SPMIP2: variants seen among roughly 807,000 people sequenced by gnomAD.
The protein encoded by SPMIP2 is sperm microtubule inner protein 2.
At chr4:158,920,100 A>T in the SPMIP2 span, among the ~76,000 whole-genome samples, 1 of 152,236 alleles carries the variant, frequency 6.6e-6, no homozygotes, top group Non-Finnish European at 1.5e-5. Context: ...TGAAGATTTC[A>T]TGGATATTTA....
At chr4:158,893,444 A>C in the SPMIP2 span, 4 of 434,602 alleles carry the variant, frequency 9.2e-6, no homozygotes, top group East Asian at 1.3e-4. Context: ...AGATGTTATA[A>C]GCACTCAGTA....
At chr4:158,895,715 T>G in the SPMIP2 span, 4 of 1,334,874 alleles carry the variant, frequency 3.0e-6, no homozygotes, top group Non-Finnish European at 4.3e-6. Flanking sequence ...AGATTTGACT[T>G]CTAGCCCTCA....
the SPMIP2 span, among the ~76,000 whole-genome samples, chr4:158,975,298 T>C: frequency 6.6e-6 from 1 of 152,198 alleles, no homozygotes; most frequent in Non-Finnish European, 1.5e-5. Context: ...AACTGTTTAG[T>C]TTAATTAGAT....
the SPMIP2 span, among the ~76,000 whole-genome samples, chr4:159,020,831 G>A: frequency 1.3e-5 from 2 of 152,048 alleles, no homozygotes; most frequent in Non-Finnish European, 2.9e-5. Context: ...GCGCTATCTC[G>A]GCTCACTGCA....
the SPMIP2 span, among the ~76,000 whole-genome samples, chr4:159,023,643 A>G: frequency 2.6e-5 from 4 of 152,230 alleles, no homozygotes; most frequent in Admixed American, 1.3e-4. Context: ...GAATGGCTGT[A>G]TCACAGACAG....
chr4:158,928,429 G>T, the SPMIP2 span, among the ~76,000 whole-genome samples: 4 of 151,978 alleles, frequency 2.6e-5, no homozygotes, highest in Admixed American at 2.0e-4. Flanking sequence ...TGCACCAATC[G>T]ACACTCTGTA....
At chr4:158,964,552 G>A in the SPMIP2 span, among the ~76,000 whole-genome samples, 1 of 152,168 alleles carries the variant, frequency 6.6e-6, no homozygotes, top group African/African-American at 2.4e-5. Context: ...TCGGAAAACT[G>A]AGGCATTATA....
At chr4:158,902,467 G>C in the SPMIP2 span, among the ~76,000 whole-genome samples, 1 of 152,356 alleles carries the variant, frequency 6.6e-6, no homozygotes, top group Admixed American at 6.5e-5. Context: ...AGGGGTCAGG[G>C]ATCCACTTGA....
At chr4:159,044,610 A>G in the SPMIP2 span, among the ~76,000 whole-genome samples, 1 of 152,048 alleles carries the variant, frequency 6.6e-6, no homozygotes, top group Admixed American at 6.6e-5. Context: ...AGAGTGTGGG[A>G]AAAATGGGGG....
the SPMIP2 span, among the ~76,000 whole-genome samples, chr4:159,034,816 A>G: frequency 6.6e-6 from 1 of 152,026 alleles, no homozygotes; most frequent in African/African-American, 2.4e-5. Context: ...TCTTGAACCC[A>G]GGTGGCGGAG....
At chr4:158,986,850 C>A in the SPMIP2 span, among the ~76,000 whole-genome samples, 2 of 145,888 alleles carry the variant, frequency 1.4e-5, no homozygotes, top group African/African-American at 5.0e-5. Flanking sequence ...AGGCAACCTA[C>A]AAAATGGGAG....
the SPMIP2 span, among the ~76,000 whole-genome samples, chr4:158,916,149 G>C: frequency 1.3e-5 from 2 of 152,138 alleles, no homozygotes; most frequent in Non-Finnish European, 2.9e-5. Flanking sequence ...GAATCTACAG[G>C]CTCTTTCTAC....
the SPMIP2 span, among the ~76,000 whole-genome samples, chr4:159,033,449 CAAATTA>C: frequency 1.3e-5 from 2 of 151,582 alleles, no homozygotes; most frequent in African/African-American, 4.8e-5. Flanking sequence ...TTAATGGATG[CAAATTA>C]AAAAAAATTA....
At chr4:158,968,931 G>T in the SPMIP2 span, among the ~76,000 whole-genome samples, 2 of 152,130 alleles carry the variant, frequency 1.3e-5, no homozygotes, top group Admixed American at 6.6e-5. Context: ...AAATGAGGCA[G>T]AGATTTCAAA....
the SPMIP2 span, among the ~76,000 whole-genome samples, chr4:159,059,320 A>C: frequency 2.0e-5 from 3 of 152,234 alleles, no homozygotes; most frequent in Non-Finnish European, 4.4e-5. Context: ...GAGTGATAAA[A>C]TATGGAATCA....
At chr4:158,918,121 A>G in the SPMIP2 span, among the ~76,000 whole-genome samples, 2 of 152,140 alleles carry the variant, frequency 1.3e-5, no homozygotes, top group Non-Finnish European at 2.9e-5. Context: ...AGTGTATCTC[A>G]TTCGTCATTG....
the SPMIP2 span, among the ~76,000 whole-genome samples, chr4:158,960,560 C>T: frequency 1.3e-5 from 2 of 152,076 alleles, no homozygotes; most frequent in Non-Finnish European, 2.9e-5. Flanking sequence ...ACCCTATGCG[C>T]TTTACTTTCC....
the SPMIP2 span, chr4:159,007,121 T>A: frequency 3.1e-6 from 2 of 635,970 alleles, no homozygotes; most frequent in Admixed American, 3.7e-5. Flanking sequence ...AAGCAGCATA[T>A]GGCCAAGCCG....
chr4:158,929,984 C>A, the SPMIP2 span, among the ~76,000 whole-genome samples: 2 of 152,148 alleles, frequency 1.3e-5, no homozygotes, highest in African/African-American at 4.8e-5. Context: ...GAAAAAAATT[C>A]TCAATTTTTG....
Sources: gnomAD v4.1 joint callset for allele counts (sites outside exome capture counted in the v4.1 genomes callset) on GRCh38, gnomAD v4.1.1 for gene constraint, MANE v1.5 for transcripts, NCBI Gene and HGNC (gene_info 2026-07-23, HGNC 2026-07-21) for gene names.